SCAF8: variants seen among roughly 807,000 people sequenced by gnomAD.
SCAF8 encodes SR-related and CTD-associated factor 8.
A neutral mutation model predicts 140.5 loss-of-function variants in SCAF8; 23 were observed. The ratio of observed to expected loss-of-function variants is 0.16; its 90% CI spans 0.12 to 0.23. The LOEUF (loss-of-function observed/expected upper bound fraction) is 0.23, where lower values mean the gene tolerates loss of function less well. Ranked by LOEUF, SCAF8 falls within the 10% of genes least tolerant of loss-of-function variation. SCAF8 has a pLI of 1.00. For synonymous variants in SCAF8, 575 were observed against 528.9 expected, an observed-to-expected ratio of 1.09 and a Z score of -1.20; for missense variants, 1,397 against 1,555.7, an observed-to-expected ratio of 0.90 and a Z score of 1.72.
intron 3 of SCAF8, among the ~76,000 whole-genome samples, chr6:154,783,878 T>C (rs907597568): frequency 1.3e-5 from 2 of 151,894 alleles, no homozygotes; most frequent in Admixed American, 1.3e-4. Flanking sequence ...GAGACCAGCC[T>C]GGCCAAAATG....
At chr6:154,817,449 T>G (rs1428571010) in intron 13 of SCAF8, among the ~76,000 whole-genome samples, 1 of 152,224 alleles carries the variant, frequency 6.6e-6, no homozygotes, top group African/African-American at 2.4e-5. Context: ...TTTTGTGAAA[T>G]GAAGATTCAT....
In SCAF8 at chr6:154,733,796, G is replaced by A. The variant is rs889881647; in HGVS notation, c.-105G>A. On this transcript the variant is annotated 5_prime_UTR_variant, in exon 1 of 20. Transcript: ENST00000367178. ...CGCAGCGGCCCGCTCTCCCGCCAGC[G>A]CCCCCTCCTCGCGGCCACGCAGCAG... The A allele has an allele frequency of 7.1e-7, 1 of 1,412,510 alleles. No individual in the cohort carries two copies. The highest frequency in any genetic ancestry group is 1.5e-5 in the African/African-American group (1 of 67,020). The allele number at this position is 1,412,510 out of a possible 1,614,324, so 87.5% of individuals were successfully genotyped here. A position where few individuals can be genotyped will look rare whatever the true frequency, so the allele number is the denominator to read the frequency against.
At chr6:154,747,124 C>T (rs1242925650) in intron 1 of SCAF8, among the ~76,000 whole-genome samples, 3 of 152,078 alleles carry the variant, frequency 2.0e-5, no homozygotes, top group Non-Finnish European at 4.4e-5. Flanking sequence ...AGTGGAATCT[C>T]CAGTCCAGGG....
At chr6:154,787,522 C>A (rs1321484996) in intron 3 of SCAF8, among the ~76,000 whole-genome samples, 1 of 152,200 alleles carries the variant, frequency 6.6e-6, no homozygotes, top group Non-Finnish European at 1.5e-5. Context: ...TGCTAGAGCC[C>A]TTCTTTCCTG....
chr6:154,809,924 T>C, intron 11 of SCAF8, 91 bp from the exon 12 acceptor site: 2 of 1,062,976 alleles, frequency 1.9e-6, no homozygotes, highest in South Asian at 2.8e-5. Context: ...TAAGACAACT[T>C]TTTTGTTATT....
At chr6:154,802,273 G>A (rs1777794402) in intron 7 of SCAF8, 126 bp downstream of exon 7, 2 of 532,612 alleles carry the variant, frequency 3.8e-6, no homozygotes, top group South Asian at 1.8e-4. Context: ...GTATAAGACA[G>A]TCTGAATTTT....
chr6:154,802,468 A>T (rs989813524), intron 7 of SCAF8, among the ~76,000 whole-genome samples: 6 of 152,042 alleles, frequency 3.9e-5, no homozygotes, highest in Non-Finnish European at 7.4e-5. Flanking sequence ...TTAAAAATAC[A>T]AAAATTAGCC....
chr6:154,781,952 T>G (rs1777098882), intron 3 of SCAF8, among the ~76,000 whole-genome samples: 1 of 152,210 alleles, frequency 6.6e-6, no homozygotes, highest in Non-Finnish European at 1.5e-5. Context: ...GAACCCATGT[T>G]TTAGTCATGA....
At chr6:154,780,078 C>G (rs1777041948) in intron 3 of SCAF8, among the ~76,000 whole-genome samples, 1 of 152,116 alleles carries the variant, frequency 6.6e-6, no homozygotes, top group African/African-American at 2.4e-5. Context: ...ATATAAACAT[C>G]ACCATAGTCA....
chr6:154,795,021 C>A lies in SCAF8; in HGVS notation c.488C>A (p.Thr163Lys). 6.2e-7 allele frequency: 1 copy of A among 1,602,940 alleles called. No homozygotes were observed. Among genetic ancestry groups the A allele is most frequent in the Non-Finnish European group, 8.5e-7 (1 of 1,176,622 alleles). The change falls in exon 6 of 20, where the codon ACA becomes AAA. Residue 163 changes from threonine (T) to lysine (K), a missense_variant. Physicochemically the swap from Thr to Lys is moderately conservative, Grantham distance 78. Around this residue, in one of 5 missense-constraint regions of SCAF8, gnomAD observed 339 missense variants for 407.5 expected, o/e 0.83. Transcript: ENST00000367178. ...AMSNTPGTPV[T>K]PVTPANVVQG... ...TTCTTTTTAAAAGGAACTCCTGTGA[C>A]ACCTGTTACTCCGGCCAATGTGGTC...
chr6:154,754,750 A>G (rs1337979349), intron 1 of SCAF8, among the ~76,000 whole-genome samples: 1 of 152,202 alleles, frequency 6.6e-6, no homozygotes, highest in African/African-American at 2.4e-5. Context: ...CTCTTCTTCT[A>G]CTTATTCTCC....
In SCAF8 at chr6:154,802,037, C is replaced by T. The variant is rs1265264200; in HGVS notation, c.673C>T (p.Leu225=). 1 of 1,612,912 alleles carries T rather than the reference C, an allele frequency of 6.2e-7. No individual in the cohort carries two copies. Among genetic ancestry groups the T allele is most frequent in the Non-Finnish European group, 8.5e-7 (1 of 1,179,312 alleles). ...QKPQPSILQA[L]DAGLVVQLQA... Reference sequence around the variant, plus strand: ...GCCCCAGCCTTCCATTCTGCAGGCCCTAGATGCTGGTCTTGTTGTTCAGTT... The same window carrying T: ...GCCCCAGCCTTCCATTCTGCAGGCCTTAGATGCTGGTCTTGTTGTTCAGTT... The change falls in exon 7 of 20, where the codon CTA becomes TTA. Residue 225 remains leucine, a synonymous_variant. Transcript: ENST00000367178.
intron 1 of SCAF8, among the ~76,000 whole-genome samples, chr6:154,760,150 C>T (rs1032311292): frequency 6.6e-6 from 1 of 151,994 alleles, no homozygotes; most frequent in East Asian, 1.9e-4. Context: ...AAAAATTAGC[C>T]AGATGTAGTG....
intron 1 of SCAF8, among the ~76,000 whole-genome samples, chr6:154,754,959 C>CT (rs2114813923): frequency 6.6e-6 from 1 of 152,210 alleles, no homozygotes; most frequent in South Asian, 2.1e-4. Flanking sequence ...TTTTAGACTT[C>CT]TGTTTATATC....
rs569686539 is a variant in SCAF8, at chr6:154,763,676, A to T, written c.31-10313A>T. On this transcript the variant is annotated intron_variant, in intron 1 of 19. Transcript: ENST00000367178. ...TTTTGGGTTTTGGGTAATGAGTTTCATTTAATGCATAGAGGAGGGGAGGAC... is the reference window on the plus strand; with the variant it reads ...TTTTGGGTTTTGGGTAATGAGTTTCTTTTAATGCATAGAGGAGGGGAGGAC... Among the ~76,000 whole-genome samples, 5 of 152,262 alleles carry T rather than the reference A, an allele frequency of 3.3e-5. No individual in the cohort carries two copies. In the East Asian group the frequency reaches 9.6e-4, roughly 29 times the overall value.
chr6:154,735,919 C>T lies in SCAF8; in HGVS notation c.30+1989C>T, dbSNP rs113036649. ...TTGGCTCACTGCATCCTTTGCCTCC[C>T]GGGCCCAAGGGGTCCTCCTCTCACC... is the stretch of plus-strand genomic sequence containing the variant. On this transcript the variant is annotated intron_variant, in intron 1 of 19. Transcript: ENST00000367178. Among the ~76,000 whole-genome samples the T allele has an allele frequency of 5.7e-3, 855 of 150,874 alleles. 13 individuals are homozygous for T. Among genetic ancestry groups the T allele is most frequent in the African/African-American group, 0.02 (810 of 41,016 alleles).
At chr6:154,734,239 C>T (rs1474098152) in intron 1 of SCAF8, among the ~76,000 whole-genome samples, 1 of 152,178 alleles carries the variant, frequency 6.6e-6, no homozygotes, top group Non-Finnish European at 1.5e-5. Flanking sequence ...CGACAGGTCC[C>T]TCGAGGTCAG....
chr6:154,734,123 G>A (rs929764331), intron 1 of SCAF8, among the ~76,000 whole-genome samples, 193 bp downstream of exon 1: 1 of 152,204 alleles, frequency 6.6e-6, no homozygotes, highest in African/African-American at 2.4e-5. Flanking sequence ...GAGGGTTGGG[G>A]GAGGGCCGCC....
chr6:154,737,971 T>C (rs1363512571), intron 1 of SCAF8, among the ~76,000 whole-genome samples: 4 of 152,162 alleles, frequency 2.6e-5, no homozygotes, highest in Admixed American at 6.5e-5. Context: ...CACCCCCATC[T>C]TTTAATTTTG....
Sources: gnomAD v4.1 joint callset for allele counts (sites outside exome capture counted in the v4.1 genomes callset) on GRCh38, gnomAD v4.1.1 for gene constraint, gnomAD v4.1.1 regional missense constraint, MANE v1.5 for transcripts, NCBI Gene and HGNC (gene_info 2026-07-23, HGNC 2026-07-21) for gene names.